The following MAGI1 variants were observed in gnomAD, a reference collection of about 807,000 sequenced individuals.
MAGI1 encodes membrane associated guanylate kinase, WW and PDZ domain containing 1.
A neutral mutation model predicts 139.9 loss-of-function variants in MAGI1; 58 were observed. That is an observed-to-expected ratio of 0.41 (90% CI 0.34 to 0.52). The LOEUF (loss-of-function observed/expected upper bound fraction) is 0.52. MAGI1 is among the 20% of genes least tolerant of loss of function. The pLI is 0.12. For missense variants in MAGI1, 1,874 were observed against 1,901.6 expected (o/e 0.99, Z 0.27); for synonymous variants, 812 against 737.9 (o/e 1.10, Z -1.63).
intron 1 of MAGI1, among the ~76,000 whole-genome samples, chr3:65,748,060 T>C (rs558758524): frequency 7.2e-5 from 11 of 152,206 alleles, no homozygotes; most frequent in African/African-American, 2.2e-4. Flanking sequence ...ACTCCTCCTC[T>C]CTCCGAAACT....
At chr3:65,998,578 T>G (rs1480447965) in intron 1 of MAGI1, among the ~76,000 whole-genome samples, 3 of 152,218 alleles carry the variant, frequency 2.0e-5, no homozygotes, top group African/African-American at 7.2e-5. Context: ...GAGGTTAAGA[T>G]TTAAGAGACC....
intron 12 of MAGI1, among the ~76,000 whole-genome samples, chr3:65,416,441 G>T (rs1028910209): frequency 1.3e-5 from 2 of 152,128 alleles, no homozygotes; most frequent in African/African-American, 4.8e-5. Context: ...ATTTTTCATG[G>T]CAAAGGTAAT....
At chr3:65,615,366 G>T (rs1284101565) in intron 2 of MAGI1, among the ~76,000 whole-genome samples, 1 of 152,132 alleles carries the variant, frequency 6.6e-6, no homozygotes, top group Non-Finnish European at 1.5e-5. Flanking sequence ...CGCTTCCCTG[G>T]GATCAGACAG....
chr3:65,936,901 AGTT>A (rs149793328), intron 1 of MAGI1, among the ~76,000 whole-genome samples: 17 of 128,984 alleles, frequency 1.3e-4, no homozygotes, highest in Middle Eastern at 3.9e-3. Flanking sequence ...TCAGGTTCAA[AGTT>A]GTTGTTGTTG....
intron 12 of MAGI1, among the ~76,000 whole-genome samples, chr3:65,405,032 C>T (rs904821476): frequency 2.0e-5 from 3 of 152,158 alleles, no homozygotes; most frequent in Non-Finnish European, 4.4e-5. Context: ...AAGGGGAACT[C>T]TCAGAAGAGG....
At chr3:65,777,942 G>C (rs2038602743) in intron 1 of MAGI1, among the ~76,000 whole-genome samples, 2 of 152,258 alleles carry the variant, frequency 1.3e-5, no homozygotes, top group East Asian at 3.9e-4. Context: ...TTCTATTAGA[G>C]AGTGTGGTAA....
chr3:65,752,374 T>G (rs1334770743), intron 1 of MAGI1, among the ~76,000 whole-genome samples: 1 of 152,230 alleles, frequency 6.6e-6, no homozygotes, highest in African/African-American at 2.4e-5. Context: ...AATGCCTACT[T>G]AGGTTTGGTG....
chr3:65,614,062 G>C (rs1173489823), intron 2 of MAGI1, among the ~76,000 whole-genome samples: 1 of 152,136 alleles, frequency 6.6e-6, no homozygotes, highest in African/African-American at 2.4e-5. Context: ...GGAAGCATGA[G>C]TAACCTGCCC....
chr3:65,921,097 T>C (rs1576054562), intron 1 of MAGI1, among the ~76,000 whole-genome samples: 1 of 151,864 alleles, frequency 6.6e-6, no homozygotes, highest in East Asian at 1.9e-4. Flanking sequence ...CCAAACTGAG[T>C]TCAGTTCAGA....
intron 14 of MAGI1, among the ~76,000 whole-genome samples, chr3:65,385,175 A>G (rs1308700711): frequency 6.6e-6 from 1 of 152,160 alleles, no homozygotes; most frequent in Non-Finnish European, 1.5e-5. Flanking sequence ...CTTGTTTTTT[A>G]AAACAAATGC....
At chr3:65,982,356 C>G (rs1194237471) in intron 1 of MAGI1, among the ~76,000 whole-genome samples, 1 of 152,202 alleles carries the variant, frequency 6.6e-6, no homozygotes, top group Non-Finnish European at 1.5e-5. Context: ...GGTCTATCAT[C>G]TGCAAGGTGC....
chr3:65,769,335 T>C (rs1577057779), intron 1 of MAGI1, among the ~76,000 whole-genome samples: 3 of 152,082 alleles, frequency 2.0e-5, no homozygotes, highest in Non-Finnish European at 2.9e-5. Flanking sequence ...TGAAAGTTCA[T>C]AAGCGTAGTA....
intron 1 of MAGI1, among the ~76,000 whole-genome samples, chr3:65,895,242 C>A (rs1029381291): frequency 2.0e-5 from 3 of 152,206 alleles, no homozygotes; most frequent in African/African-American, 7.2e-5. Flanking sequence ...AGTGTCAGCA[C>A]TTGTTCCCTA....
At chr3:65,506,687 A>G (rs902305739) in intron 2 of MAGI1, among the ~76,000 whole-genome samples, 2 of 152,192 alleles carry the variant, frequency 1.3e-5, no homozygotes, top group Non-Finnish European at 2.9e-5. Context: ...ATTGAAATAT[A>G]ATGTCTAAAT....
chr3:65,880,261 A>T (rs1185774488), intron 1 of MAGI1, among the ~76,000 whole-genome samples: 1 of 151,640 alleles, frequency 6.6e-6, no homozygotes, highest in Non-Finnish European at 1.5e-5. Flanking sequence ...AAAAAAAAAT[A>T]GCCTTGGAAG....
chr3:65,597,646 A>C (rs1269542799), intron 2 of MAGI1: 2 of 453,720 alleles, frequency 4.4e-6, no homozygotes, highest in South Asian at 3.1e-5. Flanking sequence ...CGGCATCTTC[A>C]CCTCCATGGA....
chr3:65,910,201 G>A (rs574199435), intron 1 of MAGI1, among the ~76,000 whole-genome samples: 1 of 152,222 alleles, frequency 6.6e-6, no homozygotes, highest in African/African-American at 2.4e-5. Context: ...TTAAATAACT[G>A]AATATAAAAC....
At chr3:65,573,632 T>C (rs1463509681) in intron 2 of MAGI1, among the ~76,000 whole-genome samples, 1 of 152,142 alleles carries the variant, frequency 6.6e-6, no homozygotes, top group Non-Finnish European at 1.5e-5. Context: ...GCAGCTAACA[T>C]CATAGTTAAT....
intron 1 of MAGI1, among the ~76,000 whole-genome samples, chr3:65,890,281 C>T (rs915934858): frequency 8.5e-5 from 13 of 152,286 alleles, no homozygotes; most frequent in African/African-American, 1.4e-4. Flanking sequence ...AGGAGAATGG[C>T]GTCAACCCAG....
Sources: allele counts gnomAD v4.1 joint callset (sites outside exome capture counted in the v4.1 genomes callset), GRCh38; gene constraint gnomAD v4.1.1; transcripts MANE v1.5; gene names NCBI Gene and HGNC (gene_info 2026-07-23, HGNC 2026-07-21).